LAMA2: variants seen among roughly 807,000 people sequenced by gnomAD.
LAMA2 encodes the protein laminin subunit alpha 2.
A neutral mutation model predicts 364.8 loss-of-function variants in LAMA2; 269 were observed. The ratio of observed to expected loss-of-function variants is 0.74; its 90% CI spans 0.67 to 0.82. The LOEUF is 0.82. LAMA2 is among the 40% of genes least tolerant of loss of function. LAMA2 has a pLI of 0.00. For missense variants in LAMA2, 3,807 were observed against 3,873.2 expected, an observed-to-expected ratio of 0.98 and a Z score of 0.45; for synonymous variants, 1,379 against 1,370.6, an observed-to-expected ratio of 1.01 and a Z score of -0.14.
intron 48 of LAMA2, among the ~76,000 whole-genome samples, chr6:129,457,750 C>A (rs768330208): frequency 1.3e-5 from 2 of 152,000 alleles, no homozygotes; most frequent in Non-Finnish European, 2.9e-5. Context: ...TATAAATAAA[C>A]AAACATTTAT....
Position 129,314,816 on chromosome 6 carries a change from G to A in LAMA2, c.3555+18G>A. ...GGACGTGGGTGAGTAGGGAACTGCT[G>A]AGCCATGTAATGGTATAATGTTAGT... On this transcript the variant is annotated intron_variant, in intron 24 of 64. Transcript: ENST00000421865. 6.2e-7 allele frequency: 1 copy of A among 1,613,548 alleles called. No individual in the cohort carries two copies. Among genetic ancestry groups the A allele is most frequent in the Middle Eastern group, 1.7e-4 (1 of 5,946 alleles).
At chr6:129,236,260 T>A (rs1784975054) in intron 12 of LAMA2, among the ~76,000 whole-genome samples, 1 of 152,224 alleles carries the variant, frequency 6.6e-6, no homozygotes, top group Admixed American at 6.5e-5. Context: ...TCCAAAGTTC[T>A]ATTTCTGTGA....
In LAMA2 at chr6:128,978,352, T is replaced by TC. The variant is rs1213717178; in HGVS notation, c.113-71566_113-71565insC. On this transcript the variant is annotated intron_variant, in intron 1 of 64. Transcript: ENST00000421865. The stretch of plus-strand genomic sequence containing the variant: ...AAGTACCTGCCCTTCTTTCTTTCTT[T>TC]TTTTTTTTTTTTTTTGAGAGCATGG... Among the ~76,000 whole-genome samples, 730 of 145,082 alleles carry TC rather than the reference T, an allele frequency of 5.0e-3. 4 individuals carry two copies. The highest frequency in any genetic ancestry group is 8.8e-3 in the African/African-American group (330 of 37,330).
intron 35 of LAMA2, among the ~76,000 whole-genome samples, chr6:129,383,843 C>T (rs1054592657): frequency 6.6e-5 from 10 of 151,994 alleles, no homozygotes; most frequent in Admixed American, 5.9e-4. Context: ...TCCGCACTCG[C>T]CCCCCAAAAA....
chr6:129,390,781 C>T (rs2114670388), intron 35 of LAMA2, among the ~76,000 whole-genome samples: 1 of 152,236 alleles, frequency 6.6e-6, no homozygotes, highest in Non-Finnish European at 1.5e-5. Flanking sequence ...GCCTATAAAG[C>T]AGACTCTTGG....
At chr6:129,047,618 G>C (rs574612138) in intron 1 of LAMA2, among the ~76,000 whole-genome samples, 109 of 152,276 alleles carry the variant, frequency 7.2e-4, no homozygotes, top group Admixed American at 2.5e-3. Context: ...CTCTTTGGGA[G>C]ATCTTAAGAA....
At chr6:129,182,473 G>A (rs1303698344) in intron 10 of LAMA2, among the ~76,000 whole-genome samples, 1 of 151,638 alleles carries the variant, frequency 6.6e-6, no homozygotes, top group African/African-American at 2.4e-5. Flanking sequence ...TGATGAAAAT[G>A]AGAAAAATAA....
chr6:129,434,469 T>C (rs906780464), intron 41 of LAMA2, among the ~76,000 whole-genome samples: 6 of 152,158 alleles, frequency 3.9e-5, no homozygotes, highest in African/African-American at 1.4e-4. Flanking sequence ...GAAAGTAGAA[T>C]GACTAGGCTT....
intron 12 of LAMA2, among the ~76,000 whole-genome samples, chr6:129,204,382 A>T (rs1782484801): frequency 1.3e-5 from 2 of 152,088 alleles, no homozygotes; most frequent in Admixed American, 1.3e-4. Context: ...AGAGAAGTAA[A>T]TGTTATAACT....
chr6:129,503,026 CG>C (rs1482633460), intron 59 of LAMA2, 64 bp from the exon 60 acceptor site: 16 of 1,419,710 alleles, frequency 1.1e-5, no homozygotes, highest in Non-Finnish European at 1.5e-5. Flanking sequence ...GATCTGATAC[CG>C]CTCTATTTTA....
At chr6:129,200,540 G>A (rs1464807590) in intron 12 of LAMA2, among the ~76,000 whole-genome samples, 1 of 149,128 alleles carries the variant, frequency 6.7e-6, no homozygotes, top group East Asian at 1.9e-4. Context: ...ATATGTGAGT[G>A]TGTGTATATA....
chr6:129,194,904 G>T (rs753399797), intron 12 of LAMA2, among the ~76,000 whole-genome samples: 6 of 152,318 alleles, frequency 3.9e-5, no homozygotes, highest in Admixed American at 3.3e-4. Context: ...GTAGGGCCTT[G>T]TTGGTAAATT....
rs538213957 is a variant in LAMA2, at chr6:129,250,196, C to T, written c.1867C>T (p.Leu623Phe). 7.6e-6 allele frequency: 12 copies of T among 1,585,162 alleles called. No homozygotes were observed. In the South Asian group the frequency reaches 1.2e-4, roughly 16 times the overall value. ...AGAAGATACAGAACGTGTTCTCCAG[C>T]TTATGATTATCTTAGAGGTAGAGTA... is the stretch of plus-strand genomic sequence containing the variant. ...EEEDTERVLQ[L>F]MIILEGNDLS... Residue 623 changes from leucine (L) to phenylalanine (F), a missense_variant, in exon 13 of 65, where the codon CTT (leucine) becomes TTT (phenylalanine). Physicochemically the swap from Leu to Phe is conservative, Grantham distance 22 (BLOSUM62 0). Transcript: ENST00000421865.
At chr6:128,924,201 C>CAT (rs372466666) in intron 1 of LAMA2, among the ~76,000 whole-genome samples, 1,695 of 152,042 alleles carry the variant, frequency 0.011, 30 homozygotes, top group African/African-American at 0.039. Context: ...AGCTTCTTTT[C>CAT]ATATATATAT....
chr6:129,143,500 A>G (rs985834886), intron 4 of LAMA2, among the ~76,000 whole-genome samples: 2 of 151,972 alleles, frequency 1.3e-5, no homozygotes, highest in African/African-American at 2.4e-5. Flanking sequence ...TTTTAATCTG[A>G]TATTTTATAA....
intron 12 of LAMA2, among the ~76,000 whole-genome samples, chr6:129,220,224 T>C (rs1243740460): frequency 6.6e-6 from 1 of 151,938 alleles, no homozygotes; most frequent in Non-Finnish European, 1.5e-5. Flanking sequence ...GAAGCTTTGC[T>C]GAATAAATAC....
intron 47 of LAMA2, 87 bp from the exon 48 acceptor site, chr6:129,456,248 T>G: frequency 7.7e-7 from 1 of 1,302,180 alleles, no homozygotes; most frequent in Non-Finnish European, 1.1e-6. Context: ...GCATTTTATA[T>G]CTTTTAAATC....
Position 129,516,356 on chromosome 6 carries a change from A to T in LAMA2, c.*9A>T, listed in dbSNP as rs1787079594. 2.5e-6 allele frequency: 4 copies of T among 1,613,430 alleles called. No individual in the cohort carries two copies. Among genetic ancestry groups the T allele is most frequent in the Non-Finnish European group, 3.4e-6 (4 of 1,179,518 alleles). ...CATGCCCAGCCAACTAATAAAAATA[A>T]GTGTAACCCCAGGAAGAGTCTGTCA... is the stretch of plus-strand genomic sequence containing the variant. On this transcript the variant is annotated 3_prime_UTR_variant, in exon 65 of 65. Transcript: ENST00000421865.
At chr6:129,410,646 T>G (rs1780487136) in intron 40 of LAMA2, among the ~76,000 whole-genome samples, 1 of 152,140 alleles carries the variant, frequency 6.6e-6, no homozygotes, top group Non-Finnish European at 1.5e-5. Flanking sequence ...GATTGATAGA[T>G]GACAGATAGA....
Sources: gnomAD v4.1 joint callset for allele counts (sites outside exome capture counted in the v4.1 genomes callset) on GRCh38, gnomAD v4.1.1 for gene constraint, MANE v1.5 for transcripts, NCBI Gene and HGNC (gene_info 2026-07-23, HGNC 2026-07-21) for gene names.